DACH2: variants seen among roughly 807,000 people sequenced by gnomAD.
DACH2 encodes the protein dachshund homolog 2.
Under a neutral mutation model 35.8 loss-of-function variants are expected in DACH2, and 17 were observed. The ratio of observed to expected loss-of-function variants is 0.48; its 90% CI spans 0.33 to 0.71. The LOEUF (loss-of-function observed/expected upper bound fraction) is 0.71. Among genes scored for constraint, DACH2 ranks in the 30% least tolerant of loss-of-function variants. DACH2 has a pLI of 0.02. For missense variants in DACH2, 469 were observed against 472.7 expected (o/e 0.99, Z 0.07); for synonymous variants, 195 against 177.3 (o/e 1.10, Z -0.79).
At chrX:86,632,294 A>T (rs1049152890) in intron 3 of DACH2, among the ~76,000 whole-genome samples, 1 of 111,042 alleles carries the variant, frequency 9.0e-6, no homozygotes, top group African/African-American at 3.3e-5. Flanking sequence ...GGACTTTATA[A>T]CTCTACCACT....
intron 1 of DACH2, among the ~76,000 whole-genome samples, chrX:86,169,541 C>T (rs2031055346): frequency 9.0e-6 from 1 of 110,646 alleles, no homozygotes; most frequent in Non-Finnish European, 1.9e-5. Context: ...CCTTTTAATG[C>T]TGTTTTCTAG....
chrX:86,318,887 A>T lies in DACH2; in HGVS notation c.489-57937A>T, dbSNP rs530901402. Among the ~76,000 whole-genome samples the T allele has an allele frequency of 1.2e-4, 13 of 112,254 alleles. No homozygotes were observed. The South Asian group carries it at 4.8e-3, about 42-fold the overall frequency. On this transcript the variant is annotated intron_variant, in intron 1 of 11. Coordinates refer to ENST00000373125, the MANE Select transcript of DACH2 (RefSeq NM_053281.3). Reference sequence around the variant, plus strand: ...ATTAGTTACTTATTTTTCCAAAACGATGAGTCAAAAATTTGAAAAAGCAAA... The same window carrying T: ...ATTAGTTACTTATTTTTCCAAAACGTTGAGTCAAAAATTTGAAAAAGCAAA...
chrX:86,444,614 G>T (rs1401544473), intron 2 of DACH2, among the ~76,000 whole-genome samples: 1 of 111,052 alleles, frequency 9.0e-6, no homozygotes, highest in African/African-American at 3.3e-5. Flanking sequence ...TATTTCTGTG[G>T]TATCAGTTGT....
chrX:86,654,440 T>C (rs1294779026), intron 4 of DACH2, among the ~76,000 whole-genome samples: 3 of 109,949 alleles, frequency 2.7e-5, no homozygotes, highest in Non-Finnish European at 5.7e-5. Context: ...TTCAGGACAG[T>C]GTAGATCACC....
At chrX:86,322,948 C>G (rs1363001159) in intron 1 of DACH2, among the ~76,000 whole-genome samples, 2 of 112,172 alleles carry the variant, frequency 1.8e-5, no homozygotes, top group East Asian at 5.6e-4. Flanking sequence ...TTTCTCCTCA[C>G]TGCTGAAAGC....
chrX:86,215,330 T>G (rs1478290700), intron 1 of DACH2, among the ~76,000 whole-genome samples: 1 of 111,533 alleles, frequency 9.0e-6, no homozygotes, highest in African/African-American at 3.3e-5. Flanking sequence ...AAGAGTTTGC[T>G]AAGTGAAACA....
At chrX:86,414,742 C>A (rs2036672923) in intron 2 of DACH2, among the ~76,000 whole-genome samples, 1 of 111,566 alleles carries the variant, frequency 9.0e-6, no homozygotes, top group African/African-American at 3.3e-5. Flanking sequence ...AGTGGGACAT[C>A]TTTTAATCCA....
chrX:86,601,764 G>A (rs2148359208), intron 3 of DACH2, among the ~76,000 whole-genome samples: 1 of 112,360 alleles, frequency 8.9e-6, no homozygotes, highest in South Asian at 3.6e-4. Context: ...GAGAGGTAAA[G>A]TAACTTTTTC....
chrX:86,478,552 T>C (rs2037885727), intron 2 of DACH2, among the ~76,000 whole-genome samples: 1 of 107,318 alleles, frequency 9.3e-6, no homozygotes, highest in African/African-American at 3.4e-5. Flanking sequence ...CTTTTTTTTT[T>C]TTTTTTTATG....
intron 1 of DACH2, among the ~76,000 whole-genome samples, chrX:86,318,009 A>G (rs761636936): frequency 1.8e-5 from 2 of 111,835 alleles, no homozygotes; most frequent in Non-Finnish European, 3.8e-5. Context: ...TAAAACAACC[A>G]GTTTTTCCAA....
intron 1 of DACH2, among the ~76,000 whole-genome samples, chrX:86,245,229 G>A (rs976999900): frequency 1.2e-4 from 13 of 111,041 alleles, no homozygotes; most frequent in Admixed American, 4.8e-4. Context: ...ACCCCACCCC[G>A]CCACTGTCAG....
At chrX:86,667,499 GAGAAAGAAAGAA>G (rs199901080) in intron 4 of DACH2, among the ~76,000 whole-genome samples, 747 of 42,151 alleles carry the variant, frequency 0.018, 23 homozygotes, top group Middle Eastern at 0.023. Context: ...AAGAAAGAAA[GAGAAAGAAAGAA>G]AGAAAGAAAG....
chrX:86,171,124 T>C (rs1158420124), intron 1 of DACH2, among the ~76,000 whole-genome samples: 1 of 111,694 alleles, frequency 9.0e-6, no homozygotes, highest in East Asian at 2.8e-4. Flanking sequence ...TTTAATGATT[T>C]TGGGGCCCCA....
chrX:86,484,497 A>G (rs1010975864), intron 2 of DACH2, among the ~76,000 whole-genome samples: 13 of 112,110 alleles, frequency 1.2e-4, no homozygotes, highest in Non-Finnish European at 1.3e-4. Flanking sequence ...CTCCTGAATG[A>G]CAGCTTAATT....
At chrX:86,782,957 A>G (rs954776458) in intron 7 of DACH2, among the ~76,000 whole-genome samples, 1 of 111,796 alleles carries the variant, frequency 8.9e-6, no homozygotes, top group Non-Finnish European at 1.9e-5. Flanking sequence ...CAAAGAATAC[A>G]ATCAAAAAAG....
At chrX:86,304,009 A>T (rs2034627422) in intron 1 of DACH2, among the ~76,000 whole-genome samples, 1 of 111,686 alleles carries the variant, frequency 9.0e-6, no homozygotes, top group Non-Finnish European at 1.9e-5. Context: ...CCAAAACAGC[A>T]TGCCATTGAC....
At chrX:86,310,427 G>C (rs1348062196) in intron 1 of DACH2, among the ~76,000 whole-genome samples, 2 of 111,387 alleles carry the variant, frequency 1.8e-5, no homozygotes, top group African/African-American at 6.5e-5. Flanking sequence ...ATGATCAGTT[G>C]ACCGAGGAAG....
chrX:86,404,514 C>T (rs914903788), intron 2 of DACH2, among the ~76,000 whole-genome samples: 1 of 112,446 alleles, frequency 8.9e-6, no homozygotes, highest in Non-Finnish European at 1.9e-5. Flanking sequence ...CACTCCATGT[C>T]TCACATCCAG....
rs770962147 is a variant in DACH2 at position 86,571,641 on chromosome X, C to A, written c.640+57250C>A. Among the ~76,000 whole-genome samples, 6 of 111,336 alleles carry A rather than the reference C, an allele frequency of 5.4e-5. No homozygotes were observed. The South Asian group carries it at 2.3e-3, about 42-fold the overall frequency. On this transcript the variant is annotated intron_variant, in intron 3 of 11. Coordinates refer to ENST00000373125, the MANE Select transcript of DACH2 (RefSeq NM_053281.3). The stretch of plus-strand genomic sequence containing the variant: ...CACAGGAAAGGTTTTTATTCTTAAT[C>A]TCACATCAGGACCCCACTGTGATGA...
Sources: gnomAD v4.1 joint callset for allele counts (sites outside exome capture counted in the v4.1 genomes callset) on GRCh38, gnomAD v4.1.1 for gene constraint, MANE v1.5 for transcripts, NCBI Gene and HGNC (gene_info 2026-07-23, HGNC 2026-07-21) for gene names.